Variants in CSMD1 observed in about 807,000 individuals in gnomAD.
The protein encoded by CSMD1 is CUB and sushi domain-containing protein 1.
In CSMD1, 213 loss-of-function variants were observed where a neutral mutation model predicts 417.5. The ratio of observed to expected loss-of-function variants is 0.51; its 90% confidence interval spans 0.46 to 0.57. CSMD1 has a LOEUF of 0.57. Among genes scored for constraint, CSMD1 ranks in the 20% least tolerant of loss-of-function variants. The pLI is 0.00. For missense variants in CSMD1, 6,923 were observed against 4,529.7 expected (o/e 1.53, Z -15.17); for synonymous variants, 2,862 against 1,736.8 (o/e 1.65, Z -16.11).
chr8:3,572,268 C>G (rs1799976519), intron 10 of CSMD1, among the ~76,000 whole-genome samples: 1 of 152,154 alleles, frequency 6.6e-6, no homozygotes, highest in Non-Finnish European at 1.5e-5. Flanking sequence ...GCAGGCTTTG[C>G]AAACTCTGAG....
intron 5 of CSMD1, among the ~76,000 whole-genome samples, chr8:3,948,160 G>C (rs890154573): frequency 6.6e-6 from 1 of 152,076 alleles, no homozygotes; most frequent in African/African-American, 2.4e-5. Flanking sequence ...AGCTGAGATT[G>C]CACCACTACA....
intron 35 of CSMD1, among the ~76,000 whole-genome samples, chr8:3,188,323 T>TTC (rs1796206491): frequency 7.0e-6 from 1 of 143,860 alleles, no homozygotes. Context: ...TTTTTTTTTT[T>TTC]TGAGATGGAG....
intron 6 of CSMD1, among the ~76,000 whole-genome samples, chr8:3,720,032 C>G (rs4875784): frequency 0.47 from 70,934 of 152,122 alleles, 19,520 homozygotes; most frequent in Non-Finnish European, 0.63. Context: ...CAATGTCTAG[C>G]CTGTGTGGTT....
At chr8:3,847,160 C>A (rs967475315) in intron 5 of CSMD1, among the ~76,000 whole-genome samples, 4 of 152,054 alleles carry the variant, frequency 2.6e-5, no homozygotes, top group African/African-American at 9.7e-5. Context: ...GGCTTTTAAC[C>A]AATAATGCCT....
At chr8:4,040,813 C>A (rs900282314) in intron 3 of CSMD1, among the ~76,000 whole-genome samples, 1 of 152,032 alleles carries the variant, frequency 6.6e-6, no homozygotes, top group Non-Finnish European at 1.5e-5. Context: ...TTTTTAATAG[C>A]ACGTGAAAGA....
At chr8:3,218,794 C>A (rs1395490802) in intron 29 of CSMD1, among the ~76,000 whole-genome samples, 5 of 151,964 alleles carry the variant, frequency 3.3e-5, no homozygotes, top group Admixed American at 2.6e-4. Context: ...ATCATTTGAA[C>A]CCGGGAGGCG....
chr8:3,547,656 A>G (rs1338492693), intron 10 of CSMD1, among the ~76,000 whole-genome samples: 1 of 152,222 alleles, frequency 6.6e-6, no homozygotes, highest in Non-Finnish European at 1.5e-5. Flanking sequence ...AAGTAATATT[A>G]ATTTAAATAT....
intron 49 of CSMD1, among the ~76,000 whole-genome samples, chr8:3,086,458 G>A (rs541921386): frequency 6.6e-6 from 1 of 152,074 alleles, no homozygotes; most frequent in Non-Finnish European, 1.5e-5. Flanking sequence ...GAGCCTATAT[G>A]AGCTTTCACT....
At chr8:3,082,240 C>T (rs547220627) in intron 49 of CSMD1, among the ~76,000 whole-genome samples, 11 of 152,290 alleles carry the variant, frequency 7.2e-5, no homozygotes, top group South Asian at 2.1e-4. Flanking sequence ...CATTATGCCA[C>T]GGAAAGATCA....
chr8:4,276,529 C>G (rs958416115), intron 3 of CSMD1, among the ~76,000 whole-genome samples: 1 of 152,110 alleles, frequency 6.6e-6, no homozygotes, highest in Admixed American at 6.5e-5. Flanking sequence ...CACCATGGCA[C>G]ATGTTTAACT....
At chr8:4,889,616 G>A (rs960961542) in intron 1 of CSMD1, among the ~76,000 whole-genome samples, 6 of 151,964 alleles carry the variant, frequency 3.9e-5, no homozygotes, top group Non-Finnish European at 7.4e-5. Flanking sequence ...CATAATGACT[G>A]GCTTAAGGTT....
intron 2 of CSMD1, among the ~76,000 whole-genome samples, chr8:4,451,310 G>A (rs184563218): frequency 4.6e-5 from 7 of 152,216 alleles, no homozygotes; most frequent in Admixed American, 6.5e-5. Flanking sequence ...ATCAACCACT[G>A]CACCACTCCA....
intron 18 of CSMD1, among the ~76,000 whole-genome samples, chr8:3,371,339 T>C (rs902347657): frequency 6.6e-6 from 1 of 152,084 alleles, no homozygotes; most frequent in Non-Finnish European, 1.5e-5. Context: ...ACATGTAAAA[T>C]GGGGCAAAAA....
At chr8:3,897,404 T>C (rs1018556198) in intron 5 of CSMD1, among the ~76,000 whole-genome samples, 4 of 152,168 alleles carry the variant, frequency 2.6e-5, no homozygotes, top group African/African-American at 4.8e-5. Flanking sequence ...TAAAACAAAA[T>C]GTTTCTCAAA....
chr8:3,200,006 GC>G (rs1425950785), intron 32 of CSMD1, among the ~76,000 whole-genome samples, 197 bp from the exon 33 acceptor site: 15 of 152,242 alleles, frequency 9.9e-5, no homozygotes, highest in Admixed American at 9.2e-4. Context: ...AATAGGCAGT[GC>G]ATTTGATTAA....
At chr8:3,238,654 C>G (rs535381249) in intron 26 of CSMD1, among the ~76,000 whole-genome samples, 1 of 152,052 alleles carries the variant, frequency 6.6e-6, no homozygotes, top group South Asian at 2.1e-4. Context: ...TGATGATGGC[C>G]TGGATACAGT....
At chr8:4,890,633 C>CA (rs1351653506) in intron 1 of CSMD1, among the ~76,000 whole-genome samples, 1 of 151,896 alleles carries the variant, frequency 6.6e-6, no homozygotes, top group East Asian at 1.9e-4. Context: ...TCCTCACAGC[C>CA]ATGGGCATCC....
At chr8:3,657,764 C>T (rs779647573) in intron 7 of CSMD1, among the ~76,000 whole-genome samples, 1 of 152,062 alleles carries the variant, frequency 6.6e-6, no homozygotes, top group African/African-American at 2.4e-5. Flanking sequence ...TTGATGGGCA[C>T]AGCAAACCAC....
chr8:4,354,904 G>C (rs1015309732), intron 3 of CSMD1, among the ~76,000 whole-genome samples: 1 of 147,542 alleles, frequency 6.8e-6, no homozygotes, highest in Non-Finnish European at 1.5e-5. Flanking sequence ...GTGTGTGTGT[G>C]TGTGTTAAAT....
Sources: gnomAD v4.1 joint callset for allele counts (sites outside exome capture counted in the v4.1 genomes callset) on GRCh38, gnomAD v4.1.1 for gene constraint, MANE v1.5 for transcripts, NCBI Gene and HGNC (gene_info 2026-07-23, HGNC 2026-07-21) for gene names.